The following ADAM20 variants were observed in gnomAD, a reference collection of about 807,000 sequenced individuals.
ADAM20 encodes the protein ADAM metallopeptidase domain 20.
For synonymous variants in ADAM20, 305 were observed against 310.2 expected, an observed-to-expected ratio of 0.98 and a Z score of 0.18; for missense variants, 871 against 883.2, an observed-to-expected ratio of 0.99 and a Z score of 0.18.
At chr14:70,558,432 ATTAC>A in the ADAM20 span, among the ~76,000 whole-genome samples, 4 of 152,124 alleles carry the variant, frequency 2.6e-5, no homozygotes, top group Admixed American at 2.6e-4. Flanking sequence ...ATGCTGGTGA[ATTAC>A]TTAACTTTCA....
At chr14:70,578,893 T>C in the ADAM20 span, among the ~76,000 whole-genome samples, 3 of 152,260 alleles carry the variant, frequency 2.0e-5, no homozygotes, top group South Asian at 2.1e-4. Context: ...TTTGTGTCTA[T>C]GTGCACTCAA....
chr14:70,557,055 C>T, the ADAM20 span: 1 of 152,188 alleles, frequency 6.6e-6, no homozygotes, highest in Admixed American at 6.5e-5. Context: ...GTCCCTGTGG[C>T]ATGGAAGGTT....
intron 1 of ADAM20, among the ~76,000 whole-genome samples, chr14:70,533,485 C>T (rs1041484117): frequency 3.3e-5 from 5 of 152,126 alleles, no homozygotes; most frequent in Admixed American, 1.3e-4. Context: ...CCATTCTCAG[C>T]AAACTAACAC....
At chr14:70,553,309 TAAAAAAAAA>T in the ADAM20 span, among the ~76,000 whole-genome samples, 2 of 17,254 alleles carry the variant, frequency 1.2e-4, no homozygotes, top group African/African-American at 2.4e-4. Flanking sequence ...TAGAGTATAA[TAAAAAAAAA>T]AAAAAAAAAA....
chr14:70,576,885 T>C, the ADAM20 span, among the ~76,000 whole-genome samples: 23 of 152,234 alleles, frequency 1.5e-4, 1 homozygote, highest in South Asian at 3.7e-3. Flanking sequence ...GCCTTCACAA[T>C]AGACAGAAGG....
chr14:70,559,139 T>G, the ADAM20 span, among the ~76,000 whole-genome samples: 1 of 152,168 alleles, frequency 6.6e-6, no homozygotes, highest in African/African-American at 2.4e-5. Flanking sequence ...TCACTTGAAA[T>G]GTCTAATTGG....
chr14:70,536,571 C>T (rs1883841372), upstream of ADAM20, among the ~76,000 whole-genome samples: 1 of 147,918 alleles, frequency 6.8e-6, no homozygotes, highest in African/African-American at 2.5e-5. Flanking sequence ...GAGCTATTTA[C>T]AGAGCAGGAG....
At chr14:70,529,933 T>A (rs1883674311) in intron 1 of ADAM20, among the ~76,000 whole-genome samples, 1 of 152,352 alleles carries the variant, frequency 6.6e-6, no homozygotes, top group South Asian at 2.1e-4. Context: ...ACTTCTTGAC[T>A]GTTTTGTAAT....
chr14:70,534,334 T>C (rs932776452), intron 1 of ADAM20, among the ~76,000 whole-genome samples: 3 of 152,084 alleles, frequency 2.0e-5, no homozygotes, highest in Non-Finnish European at 4.4e-5. Context: ...AGAACTACCA[T>C]ATGATCTAGT....
upstream of ADAM20, among the ~76,000 whole-genome samples, chr14:70,539,927 C>A (rs1181712941): frequency 1.3e-5 from 2 of 152,200 alleles, no homozygotes; most frequent in Non-Finnish European, 2.9e-5. Flanking sequence ...CCCCTGGACC[C>A]AGCTTTCACT....
At chr14:70,531,115 A>C (rs1883701778) in intron 1 of ADAM20, among the ~76,000 whole-genome samples, 1 of 152,194 alleles carries the variant, frequency 6.6e-6, no homozygotes, top group South Asian at 2.1e-4. Flanking sequence ...AACAAAACAA[A>C]AATCAGAAAT....
the ADAM20 span, among the ~76,000 whole-genome samples, chr14:70,577,726 G>T: frequency 6.6e-6 from 1 of 152,120 alleles, no homozygotes; most frequent in Non-Finnish European, 1.5e-5. Flanking sequence ...ATACCATAGA[G>T]TCTCTCAAAT....
the ADAM20 span, among the ~76,000 whole-genome samples, chr14:70,562,861 T>C: frequency 6.6e-6 from 1 of 152,230 alleles, no homozygotes; most frequent in African/African-American, 2.4e-5. Flanking sequence ...CAGGTAGTTC[T>C]TTATAGCAGT....
the ADAM20 span, among the ~76,000 whole-genome samples, chr14:70,553,614 TG>T: frequency 6.7e-6 from 1 of 149,684 alleles, no homozygotes; most frequent in Non-Finnish European, 1.5e-5. Flanking sequence ...GATTTATCAC[TG>T]GGATGTAAGG....
Position 70,523,042 on chromosome 14 carries a change from A to G in ADAM20, c.1716T>C (p.Ile572=). The G allele has an allele frequency of 6.2e-7, 1 of 1,613,962 alleles. No individual in the cohort carries two copies. The highest frequency in any genetic ancestry group is 8.5e-7 in the Non-Finnish European group (1 of 1,179,948). Residue 572 remains isoleucine (I), a synonymous_variant, in exon 2 of 2, where the codon ATT becomes ATC. Coordinates refer to ENST00000256389, the MANE Select transcript of ADAM20 (RefSeq NM_003814.5). ...GRVQCENVGV[I]PNLIEHSTVQ... ...CTGTAGAATGCTCTATCAGATTGGG[A>G]ATTACTCCCACATTTTCACACTGAA... is the stretch of plus-strand genomic sequence containing the variant.
chr14:70,575,241 T>C, the ADAM20 span, among the ~76,000 whole-genome samples: 2 of 151,832 alleles, frequency 1.3e-5, no homozygotes, highest in Non-Finnish European at 2.9e-5. Context: ...GTCACTCAGG[T>C]TGCAATGCAG....
At chr14:70,534,082 CAAA>C (rs59828723) in intron 1 of ADAM20, among the ~76,000 whole-genome samples, 1,019 of 53,898 alleles carry the variant, frequency 0.019, 14 homozygotes, top group African/African-American at 0.047. Context: ...GACCCTGTCT[CAAA>C]AAAAAAAAAA....
At position 70,523,606 on chromosome 14, in the gene ADAM20, A is replaced by G. The variant is rs143888877; in HGVS notation, c.1152T>C (p.Tyr384=). The G allele has an allele frequency of 2.3e-4, 369 of 1,614,064 alleles. No individual in the cohort carries two copies. Among genetic ancestry groups the G allele is most frequent in the Admixed American group, 5.3e-4 (32 of 59,986 alleles). ...ATCCACTACTGATAGTACTGTCCCA[A>G]TATTGGGCATAACTGCAGTTGCTAA... ...TKFSNCSYAQ[Y]WDSTISSGLC... The change falls in exon 2 of 2, where the codon TAT becomes TAC. Residue 384 remains tyrosine, a synonymous_variant. Transcript: ENST00000256389.
chr14:70,533,161 A>G (rs945881456), intron 1 of ADAM20, among the ~76,000 whole-genome samples: 3 of 152,214 alleles, frequency 2.0e-5, no homozygotes, highest in African/African-American at 7.2e-5. Context: ...GAGAGTGTAA[A>G]TTAGTTCAAC....
Sources: allele counts gnomAD v4.1 joint callset (sites outside exome capture counted in the v4.1 genomes callset), GRCh38; gene constraint gnomAD v4.1.1; transcripts MANE v1.5; gene names NCBI Gene and HGNC (gene_info 2026-07-23, HGNC 2026-07-21).